The following LSP1 variants were observed in gnomAD, a reference collection of about 807,000 sequenced individuals.
LSP1 encodes lymphocyte specific protein 1.
A neutral mutation model predicts 49.3 loss-of-function variants in LSP1; 32 were observed. That is an observed-to-expected ratio of 0.65 (90% confidence interval 0.49 to 0.87). The LOEUF (loss-of-function observed/expected upper bound fraction) is 0.87. Among genes scored for constraint, LSP1 ranks in the 40% least tolerant of loss-of-function variants. The pLI, the probability that LSP1 is intolerant of heterozygous loss-of-function variation, is 0.00. For missense variants in LSP1, 428 were observed against 442.6 expected (o/e 0.97, Z 0.30); for synonymous variants, 179 against 178.8 (o/e 1.00, Z -0.01).
chr11:1,854,821 A>C (rs765151219), intron 1 of LSP1, among the ~76,000 whole-genome samples: 1 of 152,160 alleles, frequency 6.6e-6, no homozygotes, highest in African/African-American at 2.4e-5. Context: ...CCTCATGCCC[A>C]TAGAAGGGCA....
chr11:1,859,711 C>A (rs1182612632), intron 1 of LSP1, among the ~76,000 whole-genome samples: 5 of 149,896 alleles, frequency 3.3e-5, no homozygotes, highest in Admixed American at 3.3e-4. Flanking sequence ...GCCCCCAGCC[C>A]CCAGCCCCCA....
chr11:1,890,878 C>T, intron 10 of LSP1: 1 of 435,830 alleles, frequency 2.3e-6, no homozygotes, highest in Non-Finnish European at 4.2e-6. Context: ...CCATGCCACC[C>T]CAGCACAAAG....
rs574587041 is a variant in LSP1 at position 1,880,222 on chromosome 11, G to A, written c.189G>A (p.Met63Ile). Residue 63 changes from methionine (M) to isoleucine (I), a missense_variant and splice_region_variant, in exon 2 of 11, where the codon ATG becomes ATA. Transcript: ENST00000311604. ...GHVPERPKQE[M>I]LLSLKPSEAP... Reference sequence around the variant, plus strand: ...TCCCCGAGCGGCCGAAGCAGGAGATGCTGTGAGCAGCCCCATAACGCGTGC... The same window carrying A: ...TCCCCGAGCGGCCGAAGCAGGAGATACTGTGAGCAGCCCCATAACGCGTGC... 5 of 1,595,066 alleles carry A rather than the reference G, an allele frequency of 3.1e-6. No homozygotes were observed. The highest frequency in any genetic ancestry group is 4.3e-6 in the Non-Finnish European group (5 of 1,168,600).
In LSP1 at chr11:1,887,540, G is replaced by A. The variant is rs1479358037; in HGVS notation, c.997G>A (p.Val333Met). 6.2e-7 allele frequency: 1 copy of A among 1,613,912 alleles called. No homozygotes were observed. Among genetic ancestry groups the A allele is most frequent in the Non-Finnish European group, 8.5e-7 (1 of 1,179,966 alleles). ...TGHGKYEKVL[V>M]EGGPAP ...GCATGGGAAGTATGAGAAGGTGCTT[G>A]TGGAAGGGGGCCCGGCTCCCTAGGC... The change falls in exon 10 of 11, where the codon GTG becomes ATG. Residue 333 changes from valine (V) to methionine (M), a missense_variant. Val to Met is a conservative substitution (Grantham distance 21). Coordinates refer to ENST00000311604, the MANE Select transcript of LSP1 (RefSeq NM_002339.3).
At chr11:1,868,563 G>A in intron 1 of LSP1, 1 of 804,888 alleles carries the variant, frequency 1.2e-6, no homozygotes, top group Non-Finnish European at 1.5e-6. Context: ...GGCTGGCCCT[G>A]AGGGGGCTGG....
chr11:1,890,640 G>C lies in LSP1; in HGVS notation c.*14-1133G>C. 7.4e-6 allele frequency: 5 copies of C among 671,592 alleles called. No individual in the cohort carries two copies. The South Asian group carries it at 7.8e-5, about 10-fold the overall frequency. 41.6% of individuals were successfully genotyped at this position (671,592 alleles called of 1,614,324 possible). A position where few individuals can be genotyped will look rare whatever the true frequency, so the allele number is the denominator to read the frequency against. On this transcript the variant is annotated intron_variant, in intron 10 of 10. Coordinates refer to ENST00000311604, the MANE Select transcript of LSP1 (RefSeq NM_002339.3). ...TCAGGCCAGCCCTCCTCCCTCCTGA[G>C]GTGGGAGGCCTGTGTCTCCTGTGGT...
chr11:1,890,795 G>T (rs1335773205), intron 10 of LSP1: 1 of 589,894 alleles, frequency 1.7e-6, no homozygotes, highest in African/African-American at 1.9e-5. Flanking sequence ...CATCACCCTA[G>T]TGTAGAAATG....
Position 1,884,097 on chromosome 11 carries a change from C to A in LSP1, c.591+73C>A. On this transcript the variant is annotated intron_variant, in intron 5 of 10. Transcript: ENST00000311604. The surrounding 1 kb of genome is among the most constrained non-coding windows in gnomAD (Gnocchi z 4.1). ...ATACCCAAAAGGCCAATCCCACATG[C>A]CAGCCACAGGAAGACCAGGCCCAGG... The A allele has an allele frequency of 6.7e-7, 1 of 1,500,392 alleles. No individual in the cohort carries two copies. Among genetic ancestry groups the A allele is most frequent in the South Asian group, 1.2e-5 (1 of 85,072 alleles). The allele number at this position is 1,500,392 out of a possible 1,614,324, so 92.9% of individuals were successfully genotyped here. A position where few individuals can be genotyped will look rare whatever the true frequency, so the allele number is the denominator to read the frequency against.
At chr11:1,873,911 G>A in intron 1 of LSP1, among the ~76,000 whole-genome samples, 1 of 136,140 alleles carries the variant, frequency 7.3e-6, no homozygotes, top group Non-Finnish European at 1.6e-5. Context: ...AGAGGAGGGA[G>A]GCCGGCGGAG....
chr11:1,871,284 C>T (rs1466446879), intron 1 of LSP1: 1 of 986,544 alleles, frequency 1.0e-6, no homozygotes, highest in Non-Finnish European at 1.2e-6. Context: ...GGGCCACCCA[C>T]GAGCAGGGCG....
At position 1,886,582 on chromosome 11, in the gene LSP1, C is replaced by G. The variant is rs1423453792; in HGVS notation, c.718-150C>G. The G allele has an allele frequency of 4.6e-6, 4 of 875,290 alleles. No homozygotes were observed. In the African/African-American group the frequency reaches 6.9e-5, roughly 15 times the overall value. The allele number at this position is 875,290 out of a possible 1,614,324, so 54.2% of individuals were successfully genotyped here. A position where few individuals can be genotyped will look rare whatever the true frequency, so the allele number is the denominator to read the frequency against. On this transcript the variant is annotated intron_variant, in intron 7 of 10. Coordinates refer to ENST00000311604, the MANE Select transcript of LSP1 (RefSeq NM_002339.3). ...CTGCATCGAATGGAGGAAGGCTCAT[C>G]TTTCCAGTGATCCCCACTCTGGGGC...
intron 1 of LSP1, among the ~76,000 whole-genome samples, chr11:1,858,467 G>C (rs1847543194): frequency 6.6e-6 from 1 of 152,234 alleles, no homozygotes; most frequent in African/African-American, 2.4e-5. Flanking sequence ...CTCCAGCCCA[G>C]CCCCGCCCAA....
chr11:1,859,756 G>A (rs1180948771), intron 1 of LSP1, among the ~76,000 whole-genome samples: 1 of 133,416 alleles, frequency 7.5e-6, no homozygotes, highest in Non-Finnish European at 1.5e-5. Flanking sequence ...CCCTACCCGT[G>A]GCTCTGGCCC....
At chr11:1,856,600 G>T (rs73410943) in intron 1 of LSP1, among the ~76,000 whole-genome samples, 1 of 152,214 alleles carries the variant, frequency 6.6e-6, no homozygotes, top group African/African-American at 2.4e-5. Flanking sequence ...TGACCTGAGG[G>T]GCTGCTCTGG....
intron 10 of LSP1, chr11:1,889,828 C>T (rs1366264033): frequency 1.7e-5 from 11 of 634,010 alleles, no homozygotes; most frequent in South Asian, 3.7e-5. Context: ...GCCTGGAAGC[C>T]GGGTGGCGGC....
chr11:1,882,639 T>C (rs1378950488), intron 3 of LSP1, among the ~76,000 whole-genome samples: 1 of 152,012 alleles, frequency 6.6e-6, no homozygotes, highest in Non-Finnish European at 1.5e-5. Flanking sequence ...CTTTGACTCT[T>C]CCGTGGAGCC....
chr11:1,883,977 G>C lies in LSP1; in HGVS notation c.544G>C (p.Glu182Gln), dbSNP rs1358988213. ...QPRTPSPLVL[E>Q]GTIEQSSPPL... ...CAGGACACCCAGCCCCTTGGTCTTG[G>C]AGGGGACCATCGAACAGAGCTCGCC... The change falls in exon 5 of 11, where the codon GAG (glutamate) becomes CAG (glutamine). Residue 182 changes from glutamate to glutamine, a missense_variant. Coordinates refer to ENST00000311604, the MANE Select transcript of LSP1 (RefSeq NM_002339.3). The C allele has an allele frequency of 1.9e-6, 3 of 1,612,528 alleles. No homozygotes were observed. In the African/African-American group the frequency reaches 4.0e-5, roughly 22 times the overall value.
At chr11:1,878,876 G>A (rs931376461) in intron 1 of LSP1, among the ~76,000 whole-genome samples, 4 of 152,070 alleles carry the variant, frequency 2.6e-5, no homozygotes, top group African/African-American at 4.8e-5. Flanking sequence ...CTGAGGCTGC[G>A]GTGTCTGCAG....
rs151335564 is a variant in LSP1 at position 1,887,725 on chromosome 11, C to T, written c.*13+149C>T. On this transcript the variant is annotated intron_variant, in intron 10 of 10. Coordinates refer to ENST00000311604, the MANE Select transcript of LSP1 (RefSeq NM_002339.3). The stretch of plus-strand genomic sequence containing the variant: ...CAGAACCCAGACCAGCTCAGTCTCC[C>T]AGTCCTGTGCAGATGCTGCCTCTCT... 8.3e-4 allele frequency: 496 copies of T among 597,988 alleles called. 2 individuals are homozygous for T. In the East Asian group the frequency reaches 0.013, roughly 16 times the overall value. The allele number at this position is 597,988 out of a possible 1,614,324, so 37.0% of individuals were successfully genotyped here.
Sources: allele counts gnomAD v4.1 joint callset (sites outside exome capture counted in the v4.1 genomes callset), GRCh38; gene constraint gnomAD v4.1.1; non-coding constraint Gnocchi (gnomAD v3.1); transcripts MANE v1.5; gene names NCBI Gene and HGNC (gene_info 2026-07-23, HGNC 2026-07-21).